Variants in ZNF718 observed in about 807,000 individuals in gnomAD.
ZNF718 encodes zinc finger protein 718.
Under a neutral mutation model 2.6 loss-of-function variants are expected in ZNF718, and 3 were observed. That is an observed-to-expected ratio of 1.16 (90% CI 0.53 to 3.01). The LOEUF is 3.01. Ranked by LOEUF, ZNF718 falls within the 30% of genes most tolerant of loss-of-function variation. ZNF718 has a pLI of 0.03. For missense variants in ZNF718, 468 were observed against 230.0 expected (o/e 2.03, Z -6.69); for synonymous variants, 135 against 77.9 (o/e 1.73, Z -3.86).
At chr4:152,554 T>C (rs2108796536) in intron 3 of ZNF718, among the ~76,000 whole-genome samples, 1 of 151,362 alleles carries the variant, frequency 6.6e-6, no homozygotes, top group Admixed American at 6.6e-5. Flanking sequence ...ACACAGCACA[T>C]GTTTCAGAGA....
Position 193,884 on chromosome 4 carries a change from G to A in ZNF718, c.227-7197G>A, listed in dbSNP as rs185458618. Among the ~76,000 whole-genome samples, 412 of 152,292 alleles carry A rather than the reference G, an allele frequency of 2.7e-3. 1 individual carries two copies. The highest frequency in any genetic ancestry group is 9.5e-3 in the African/African-American group (394 of 41,560). On this transcript the variant is annotated intron_variant and NMD_transcript_variant, in intron 3 of 4. Transcript: ENST00000642529. ...CAGTGGGCCTTACAGTGATTCCCTT[G>A]ACATAAGGGCATGGACAAGGGGGTG...
downstream of ZNF718, among the ~76,000 whole-genome samples, chr4:165,864 A>G (rs1717075085): frequency 1.7e-5 from 1 of 59,130 alleles, no homozygotes; most frequent in Non-Finnish European, 3.1e-5. Context: ...TTTTATTATT[A>G]TACTTTTAAG....
chr4:129,777 TA>T (rs1166245424), intron 1 of ZNF718, among the ~76,000 whole-genome samples: 38,208 of 92,530 alleles, frequency 0.41, 14,996 homozygotes, highest in East Asian at 0.81. Flanking sequence ...TCTACGCATT[TA>T]AAAAAAAAAA....
At chr4:180,398 GAA>G (rs1717440623) in intron 3 of ZNF718, among the ~76,000 whole-genome samples, 2 of 152,210 alleles carry the variant, frequency 1.3e-5, no homozygotes, top group African/African-American at 2.4e-5. Flanking sequence ...TTAGCATTCT[GAA>G]CAGGGATCCT....
chr4:179,533 G>A (rs924187147), intron 3 of ZNF718, among the ~76,000 whole-genome samples: 8 of 152,190 alleles, frequency 5.3e-5, no homozygotes, highest in African/African-American at 1.7e-4. Context: ...GTATGTTTAT[G>A]TCTGTGTTTG....
rs1717015475 is a variant in ZNF718 at position 163,841 on chromosome 4, ATTT to A, written c.*1722_*1724del. On this transcript the variant is annotated 3_prime_UTR_variant, in exon 4 of 4. Transcript: ENST00000510175. ...TTGAAGAATATTGTTCTCATGTTAA[ATTT>A]TTATTATTTTTTATATTTAAATTTA... is the stretch of plus-strand genomic sequence containing the variant. The A allele has an allele frequency of 6.6e-6, 1 of 151,874 alleles. No homozygotes were observed. The highest frequency in any genetic ancestry group is 1.5e-5 in the Non-Finnish European group (1 of 67,926). The allele number at this position is 151,874 out of a possible 1,614,324, so 9.4% of individuals were successfully genotyped here.
rs1553815549 is a variant in ZNF718, at chr4:162,034, C to T, written c.1349C>T (p.Pro450Leu). 2 of 777,564 alleles carry T rather than the reference C, an allele frequency of 2.6e-6. No homozygotes were observed. The highest frequency in any genetic ancestry group is 4.8e-6 in the Non-Finnish European group (2 of 416,290). 48.2% of individuals were successfully genotyped at this position (777,564 alleles called of 1,614,324 possible). A position where few individuals can be genotyped will look rare whatever the true frequency, so the allele number is the denominator to read the frequency against. ...AAGAAAATTCACACTGTAGATAAAC[C>T]CTACAAATGTAAAGAATGCGGGAAA... ...KHKKIHTVDK[P>L]YKCKECGKAF... The change falls in exon 4 of 4, where the codon CCC becomes CTC. Residue 450 changes from proline (P) to leucine (L), a missense_variant. By Grantham distance (98) the Pro-to-Leu change is moderately conservative (BLOSUM62 -3). Transcript: ENST00000510175.
intron 3 of ZNF718, among the ~76,000 whole-genome samples, chr4:135,385 AAT>A (rs1358687819): frequency 6.6e-6 from 1 of 152,100 alleles, no homozygotes; most frequent in African/African-American, 2.4e-5. Flanking sequence ...GACATAAATC[AAT>A]ATGTGTAAGA....
At position 162,422 on chromosome 4, in the gene ZNF718, T is replaced by C; in HGVS notation, c.*300T>C. 1 of 237,740 alleles carries C rather than the reference T, an allele frequency of 4.2e-6. No individual in the cohort carries two copies. Among genetic ancestry groups the C allele is most frequent in the Non-Finnish European group, 8.1e-6 (1 of 123,690 alleles). The allele number at this position is 237,740 out of a possible 1,614,324, so 14.7% of individuals were successfully genotyped here. Reference sequence around the variant, plus strand: ...TCATATCTCTTTGCACATGATAGCATTTATACTTGAGAAAAATTGTACAAA... The same window carrying C: ...TCATATCTCTTTGCACATGATAGCACTTATACTTGAGAAAAATTGTACAAA... On this transcript the variant is annotated 3_prime_UTR_variant, in exon 4 of 4. Coordinates refer to ENST00000510175, the MANE Select transcript of ZNF718 (RefSeq NM_001039127.6).
At chr4:194,891 A>C (rs1717761635) in intron 3 of ZNF718, among the ~76,000 whole-genome samples, 1 of 152,152 alleles carries the variant, frequency 6.6e-6, no homozygotes, top group African/African-American at 2.4e-5. Flanking sequence ...GGCATCCTTT[A>C]TGGTCCTAAT....
chr4:186,111 G>A (rs1178863820), intron 3 of ZNF718, among the ~76,000 whole-genome samples: 2 of 152,032 alleles, frequency 1.3e-5, no homozygotes, highest in Non-Finnish European at 2.9e-5. Flanking sequence ...ACTATGAAGT[G>A]TAGTGGCTGG....
intron 3 of ZNF718, among the ~76,000 whole-genome samples, chr4:190,806 TG>T (rs1404380660): frequency 1.3e-5 from 2 of 151,962 alleles, no homozygotes; most frequent in Non-Finnish European, 2.9e-5. Flanking sequence ...TTGGGGAGGC[TG>T]GGGCGGGCAG....
intron 3 of ZNF718, among the ~76,000 whole-genome samples, chr4:199,521 T>G (rs1210028943): frequency 6.6e-6 from 1 of 152,208 alleles, no homozygotes; most frequent in African/African-American, 2.4e-5. Context: ...TCAATTTCCT[T>G]GCATCCTAAC....
At chr4:164,237 T>A (rs995683668), downstream of ZNF718, among the ~76,000 whole-genome samples, 4 of 152,072 alleles carry the variant, frequency 2.6e-5, no homozygotes, top group African/African-American at 9.7e-5. Context: ...TGGAGATAAA[T>A]ATATAAACAT....
At chr4:195,945 T>C (rs188627792) in intron 3 of ZNF718, among the ~76,000 whole-genome samples, 1 of 152,284 alleles carries the variant, frequency 6.6e-6, no homozygotes, top group Admixed American at 6.5e-5. Flanking sequence ...TCTCTTTTTT[T>C]CTCTCTTTGA....
intron 1 of ZNF718, among the ~76,000 whole-genome samples, chr4:126,914 C>T (rs1715247899): frequency 6.6e-6 from 1 of 151,892 alleles, no homozygotes; most frequent in Non-Finnish European, 1.5e-5. Context: ...GCATTCTCCA[C>T]CTCCCAGGTT....
At chr4:125,653 C>G (rs1316620143) in intron 1 of ZNF718, among the ~76,000 whole-genome samples, 3 of 152,174 alleles carry the variant, frequency 2.0e-5, no homozygotes, top group Non-Finnish European at 4.4e-5. Context: ...TCCTCTTCCT[C>G]CAGGCCTCCT....
intron 3 of ZNF718, among the ~76,000 whole-genome samples, chr4:153,818 A>G (rs190939251): frequency 2.0e-5 from 3 of 152,336 alleles, no homozygotes; most frequent in African/African-American, 7.2e-5. Flanking sequence ...TGACAAATCT[A>G]TATACTGAAC....
At chr4:127,500 A>AT (rs1343166156) in intron 1 of ZNF718, among the ~76,000 whole-genome samples, 5 of 104,046 alleles carry the variant, frequency 4.8e-5, no homozygotes, top group African/African-American at 1.7e-4. Flanking sequence ...GAGAACTTCA[A>AT]TTCTCTCCCT....
Sources: gnomAD v4.1 joint callset for allele counts (sites outside exome capture counted in the v4.1 genomes callset) on GRCh38, gnomAD v4.1.1 for gene constraint, MANE v1.5 for transcripts, NCBI Gene and HGNC (gene_info 2026-07-23, HGNC 2026-07-21) for gene names.